NEO1: variants seen among roughly 807,000 people sequenced by gnomAD.
NEO1 encodes the protein neogenin.
NEO1 carries 63 observed loss-of-function variants against 159.7 expected under a neutral mutation model. The ratio of observed to expected loss-of-function variants is 0.39; its 90% CI spans 0.32 to 0.49. The LOEUF is 0.49. NEO1 is among the 20% of genes least tolerant of loss of function. The probability of loss-of-function intolerance (pLI) is 0.85; values close to 1 mark genes in which losing one functional copy is unlikely to be tolerated. For missense variants in NEO1, 1,615 were observed against 1,831.0 expected, an observed-to-expected ratio of 0.88 and a Z score of 2.15; for synonymous variants, 633 against 662.0, an observed-to-expected ratio of 0.96 and a Z score of 0.67.
intron 1 of NEO1, among the ~76,000 whole-genome samples, chr15:73,055,584 T>G (rs1343689429): frequency 6.6e-6 from 1 of 152,184 alleles, no homozygotes. Context: ...AGTTGCCACC[T>G]GTAAGCTAAG....
chr15:73,171,933 G>A (rs1337011712), intron 5 of NEO1, among the ~76,000 whole-genome samples: 1 of 152,052 alleles, frequency 6.6e-6, no homozygotes, highest in Non-Finnish European at 1.5e-5. Flanking sequence ...GAGCCACCAT[G>A]CCCGGCCAAT....
chr15:73,182,530 G>T (rs1329668809), intron 7 of NEO1, among the ~76,000 whole-genome samples: 1 of 151,992 alleles, frequency 6.6e-6, no homozygotes, highest in Non-Finnish European at 1.5e-5. Context: ...CCTGAGACTG[G>T]GTAATTTATA....
At chr15:73,070,694 A>G (rs1187744472) in intron 1 of NEO1, among the ~76,000 whole-genome samples, 1 of 151,614 alleles carries the variant, frequency 6.6e-6, no homozygotes, top group Non-Finnish European at 1.5e-5. Flanking sequence ...GGCAAAGTTT[A>G]ATTTATAAAT....
chr15:73,126,493 G>A lies in NEO1; in HGVS notation c.801G>A (p.Val267=), dbSNP rs376666423. The A allele has an allele frequency of 1.3e-5, 21 of 1,613,444 alleles. No individual in the cohort carries two copies. The African/African-American group carries it at 1.9e-4, about 14-fold the overall frequency. The change falls in exon 4 of 29, where the codon GTG becomes GTA. Residue 267 remains valine, a synonymous_variant. Coordinates refer to ENST00000261908, the MANE Select transcript of NEO1 (RefSeq NM_002499.4). ...TCAGAGTCATTGGTCAGGATGTAGTGTTGCCATGTGTTGCTTCAGGACTTC... is the reference window on the plus strand; with the variant it reads ...TCAGAGTCATTGGTCAGGATGTAGTATTGCCATGTGTTGCTTCAGGACTTC... ...PLVRVIGQDV[V]LPCVASGLPT... is the part of the protein sequence containing the mutation.
At chr15:73,075,189 A>G (rs2068711264) in intron 1 of NEO1, among the ~76,000 whole-genome samples, 1 of 152,182 alleles carries the variant, frequency 6.6e-6, no homozygotes. Context: ...AGCCTTCTAG[A>G]AGTCCAAAGT....
chr15:73,189,862 C>G (rs2036145843), intron 7 of NEO1, among the ~76,000 whole-genome samples: 1 of 152,132 alleles, frequency 6.6e-6, no homozygotes, highest in Non-Finnish European at 1.5e-5. Context: ...GACTTTTGTT[C>G]CTAGCATGCT....
chr15:73,244,981 A>C lies in NEO1; in HGVS notation c.1606+483A>C, dbSNP rs961745290. On this transcript the variant is annotated intron_variant, in intron 9 of 28. Coordinates refer to ENST00000261908, the MANE Select transcript of NEO1 (RefSeq NM_002499.4). ...AAAAAAAAAAAAAAAAAAAAAAAAAAAACAACAGCAAATAGTATAAGACAA... is the reference window on the plus strand; with the variant it reads ...AAAAAAAAAAAAAAAAAAAAAAAAACAACAACAGCAAATAGTATAAGACAA... 1.0e-4 allele frequency among the ~76,000 whole-genome samples: 15 copies of C among 148,204 alleles called. 1 individual carries two copies. Among genetic ancestry groups the C allele is most frequent in the African/African-American group, 7.4e-5 (3 of 40,618 alleles).
At position 73,233,592 on chromosome 15, in the gene NEO1, C is replaced by T. The variant is rs139562611; in HGVS notation, c.1292-2755C>T. ...TTTGTCCTTAAGGAGCTTATAGATT[C>T]GTGGAAGTAATACAATGTAAACATG... On this transcript the variant is annotated intron_variant, in intron 7 of 28. Transcript: ENST00000261908. Among the ~76,000 whole-genome samples, 20 of 152,084 alleles carry T rather than the reference C, an allele frequency of 1.3e-4. No individual in the cohort carries two copies. In the South Asian group the frequency reaches 3.7e-3, roughly 28 times the overall value.
At chr15:73,137,189 A>G (rs1297372827) in intron 5 of NEO1, among the ~76,000 whole-genome samples, 4 of 152,182 alleles carry the variant, frequency 2.6e-5, no homozygotes, top group Admixed American at 6.5e-5. Flanking sequence ...GAATAATACA[A>G]TTACTCTCAG....
intron 5 of NEO1, among the ~76,000 whole-genome samples, chr15:73,171,612 CTATTATTAT>C (rs10549726): frequency 0.014 from 1,934 of 138,986 alleles, 23 homozygotes; most frequent in African/African-American, 0.036. Context: ...TATTAAGAAA[CTATTATTAT>C]TATTATTATT....
At chr15:73,267,150 C>T (rs748731949) in intron 16 of NEO1, among the ~76,000 whole-genome samples, 11 of 152,188 alleles carry the variant, frequency 7.2e-5, no homozygotes, top group East Asian at 1.9e-4. Flanking sequence ...CCCAGCAACT[C>T]GGAAGGCTGA....
intron 7 of NEO1, among the ~76,000 whole-genome samples, chr15:73,223,702 G>A (rs960609108): frequency 2.6e-5 from 4 of 152,178 alleles, no homozygotes; most frequent in South Asian, 2.1e-4. Context: ...GAAGGCAGCA[G>A]ATTGTTGGTT....
At chr15:73,070,568 G>A (rs1361311850) in intron 1 of NEO1, among the ~76,000 whole-genome samples, 1 of 152,176 alleles carries the variant, frequency 6.6e-6, no homozygotes, top group Admixed American at 6.5e-5. Flanking sequence ...TATCAATAGT[G>A]TATACAGTAG....
intron 4 of NEO1, among the ~76,000 whole-genome samples, chr15:73,132,098 T>C (rs1043786341): frequency 2.0e-5 from 3 of 152,242 alleles, no homozygotes; most frequent in Non-Finnish European, 4.4e-5. Context: ...CCACTTGAGA[T>C]GCATGACAGC....
intron 1 of NEO1, among the ~76,000 whole-genome samples, chr15:73,062,065 A>G (rs1473997049): frequency 6.6e-6 from 1 of 152,228 alleles, no homozygotes; most frequent in Non-Finnish European, 1.5e-5. Flanking sequence ...ATTGTAGGGC[A>G]AGAGGGCATG....
At chr15:73,285,766 C>T (rs1006262137) in intron 23 of NEO1, among the ~76,000 whole-genome samples, 1 of 152,138 alleles carries the variant, frequency 6.6e-6, no homozygotes, top group Non-Finnish European at 1.5e-5. Flanking sequence ...TGGGCTTCTC[C>T]TTCATGAAGA....
intron 7 of NEO1, among the ~76,000 whole-genome samples, chr15:73,216,908 TGCTGTGCAGAA>T (rs2037922868): frequency 1.3e-5 from 2 of 152,044 alleles, no homozygotes; most frequent in Non-Finnish European, 2.9e-5. Context: ...TAGTTTCTTT[TGCTGTGCAGAA>T]GCTCTTTAGT....
At chr15:73,178,539 C>A in intron 7 of NEO1, 112 bp downstream of exon 7, 2 of 1,126,322 alleles carry the variant, frequency 1.8e-6, no homozygotes, top group Non-Finnish European at 2.4e-6. Context: ...CAATATGTGG[C>A]ATAGCTAAGA....
At chr15:73,170,824 A>G (rs996143431) in intron 5 of NEO1, among the ~76,000 whole-genome samples, 1 of 152,166 alleles carries the variant, frequency 6.6e-6, no homozygotes, top group Non-Finnish European at 1.5e-5. Flanking sequence ...TATAGTAATA[A>G]GTAATATAAG....
Sources: gnomAD v4.1 joint callset for allele counts (sites outside exome capture counted in the v4.1 genomes callset) on GRCh38, gnomAD v4.1.1 for gene constraint, MANE v1.5 for transcripts, NCBI Gene and HGNC (gene_info 2026-07-23, HGNC 2026-07-21) for gene names.